EDIL3: variants seen among roughly 807,000 people sequenced by gnomAD.
EDIL3 encodes the protein EGF-like repeat and discoidin I-like domain-containing protein 3.
A neutral mutation model predicts 67.4 loss-of-function variants in EDIL3; 37 were observed. The ratio of observed to expected loss-of-function variants is 0.55; its 90% CI spans 0.42 to 0.72. EDIL3 has a LOEUF of 0.72. Ranked by LOEUF, EDIL3 falls within the 30% of genes least tolerant of loss-of-function variation. The pLI is 0.00. For missense variants in EDIL3, 527 were observed against 586.3 expected (o/e 0.90, Z 1.04); for synonymous variants, 195 against 196.3 (o/e 0.99, Z 0.05).
At chr5:84,239,343 T>C (rs897337927) in intron 2 of EDIL3, among the ~76,000 whole-genome samples, 1 of 152,216 alleles carries the variant, frequency 6.6e-6, no homozygotes, top group Non-Finnish European at 1.5e-5. Context: ...CAAAATACAA[T>C]GGTGTTATTA....
At chr5:84,369,833 A>C (rs1200577231) in intron 1 of EDIL3, among the ~76,000 whole-genome samples, 1 of 152,186 alleles carries the variant, frequency 6.6e-6, no homozygotes, top group Non-Finnish European at 1.5e-5. Flanking sequence ...TTATGGTTAA[A>C]CATATACTTA....
chr5:84,252,905 A>G (rs972121298), intron 2 of EDIL3, among the ~76,000 whole-genome samples: 3 of 152,206 alleles, frequency 2.0e-5, no homozygotes, highest in African/African-American at 7.2e-5. Context: ...ATCTTTGAAG[A>G]TGAATTAAAT....
At chr5:84,357,513 T>G in intron 1 of EDIL3, among the ~76,000 whole-genome samples, 1 of 151,944 alleles carries the variant, frequency 6.6e-6, no homozygotes, top group East Asian at 1.9e-4. Flanking sequence ...CCCTTTAAGG[T>G]TCTATATACT....
intron 9 of EDIL3, among the ~76,000 whole-genome samples, chr5:84,011,507 T>C (rs2112180821): frequency 6.6e-6 from 1 of 152,330 alleles, no homozygotes; most frequent in African/African-American, 2.4e-5. Flanking sequence ...TCAATTCTCT[T>C]CATATATGCC....
chr5:84,113,091 G>A (rs348895), intron 5 of EDIL3, among the ~76,000 whole-genome samples: 52,704 of 151,778 alleles, frequency 0.35, 9,540 homozygotes, highest in Non-Finnish European at 0.4. Context: ...CTTTCAAATC[G>A]CTGCCACACA....
chr5:84,014,642 TCAAA>T (rs144953064), intron 9 of EDIL3, among the ~76,000 whole-genome samples: 2,792 of 152,054 alleles, frequency 0.018, 90 homozygotes, highest in African/African-American at 0.062. Flanking sequence ...AGACTCCGTC[TCAAA>T]CAAACAAACA....
At chr5:84,187,641 G>T (rs1207219670) in intron 3 of EDIL3, among the ~76,000 whole-genome samples, 1 of 152,144 alleles carries the variant, frequency 6.6e-6, no homozygotes, top group African/African-American at 2.4e-5. Context: ...CCAAATTCTG[G>T]TGTTAAGAAC....
chr5:84,202,447 T>C (rs1743863663), intron 3 of EDIL3, among the ~76,000 whole-genome samples: 1 of 152,174 alleles, frequency 6.6e-6, no homozygotes, highest in African/African-American at 2.4e-5. Context: ...TAAAAAGAGC[T>C]AAGCAAAGTT....
At chr5:84,201,607 G>C (rs903023917) in intron 3 of EDIL3, among the ~76,000 whole-genome samples, 1 of 151,848 alleles carries the variant, frequency 6.6e-6, no homozygotes, top group Non-Finnish European at 1.5e-5. Flanking sequence ...TACTGGGTAA[G>C]ATCTCTTATT....
intron 1 of EDIL3, among the ~76,000 whole-genome samples, chr5:84,368,429 T>C (rs1196709747): frequency 6.6e-6 from 1 of 152,136 alleles, no homozygotes; most frequent in Admixed American, 6.6e-5. Context: ...AATATCCATA[T>C]ATAAAAGAAT....
chr5:83,959,107 A>G (rs1174483405), intron 10 of EDIL3, among the ~76,000 whole-genome samples: 1 of 150,502 alleles, frequency 6.6e-6, no homozygotes, highest in African/African-American at 2.4e-5. Context: ...AGAACAGAGT[A>G]TTATTTTTCT....
At chr5:84,003,449 C>T (rs999970049) in intron 9 of EDIL3, among the ~76,000 whole-genome samples, 1 of 152,174 alleles carries the variant, frequency 6.6e-6, no homozygotes, top group Admixed American at 6.5e-5. Context: ...GAGGGAAGCT[C>T]ACACTCTCAG....
At position 83,947,419 on chromosome 5, in the gene EDIL3, C is replaced by T. The variant is rs528067391; in HGVS notation, c.1294-3851G>A. Among the ~76,000 whole-genome samples the T allele has an allele frequency of 6.4e-4, 96 of 149,746 alleles. 3 individuals carry two copies. The South Asian group carries it at 0.019, about 30-fold the overall frequency. On this transcript the variant is annotated intron_variant, in intron 10 of 10. Coordinates refer to ENST00000296591, the MANE Select transcript of EDIL3 (RefSeq NM_005711.5). ...TGTGTGTGTGTGCAGAGGTGCTGGG[C>T]TGAAAGCTCAGAATTCTTTATTTAA... is the stretch of plus-strand genomic sequence containing the variant.
chr5:84,103,043 T>C (rs146800585), intron 6 of EDIL3, among the ~76,000 whole-genome samples: 7 of 152,142 alleles, frequency 4.6e-5, no homozygotes, highest in African/African-American at 1.2e-4. Context: ...TGGAACAGAA[T>C]TGAGAGACCA....
intron 4 of EDIL3, among the ~76,000 whole-genome samples, chr5:84,175,276 A>G (rs957344425): frequency 2.0e-5 from 3 of 151,646 alleles, no homozygotes; most frequent in African/African-American, 7.3e-5. Context: ...AGAATTAATG[A>G]TAAGAGGAAT....
In EDIL3 at chr5:84,106,682, T is replaced by G; in HGVS notation, c.618A>C (p.Thr206=). 1 of 1,609,728 alleles carries G rather than the reference T, an allele frequency of 6.2e-7. No homozygotes were observed. The highest frequency in any genetic ancestry group is 1.1e-5 in the South Asian group (1 of 90,096). The change falls in exon 6 of 11, where the codon ACA becomes ACC. Residue 206 remains threonine, a synonymous_variant. Coordinates refer to ENST00000296591, the MANE Select transcript of EDIL3 (RefSeq NM_005711.5). ...ACGGCCATCTGTCATTTTCTGCAGC[T>G]GTCCACGCATTTATAAGCCCCTTCT... ...LNKKGLINAW[T]AAENDRWPWI... is the part of the protein sequence containing the mutation.
At chr5:84,087,950 A>G (rs1331344170) in intron 6 of EDIL3, among the ~76,000 whole-genome samples, 2 of 152,140 alleles carry the variant, frequency 1.3e-5, no homozygotes, top group Non-Finnish European at 1.5e-5. Flanking sequence ...TAAGCATGGA[A>G]AAAAAGAATG....
rs35930293 is a variant in EDIL3, at chr5:84,070,606, A to AGTGTGTGTGTGT, written c.652-4012_652-4001dup. 2.3e-3 allele frequency among the ~76,000 whole-genome samples: 328 copies of AGTGTGTGTGTGT among 144,732 alleles called. 2 individuals are homozygous for AGTGTGTGTGTGT. Among genetic ancestry groups the AGTGTGTGTGTGT allele is most frequent in the African/African-American group, 7.6e-3 (297 of 38,890 alleles). 94.9% of individuals were successfully genotyped at this position (144,732 alleles called of 152,430 possible). ...GACATTTAGGGCTACTATGGTTAAG[A>AGTGTGTGTGTGT]GTGTGTGTGTGTGTGTGTGTGTGTG... On this transcript the variant is annotated intron_variant, in intron 6 of 10. Coordinates refer to ENST00000296591, the MANE Select transcript of EDIL3 (RefSeq NM_005711.5).
rs542985619 is a variant in EDIL3, at chr5:84,249,912, T to C, written c.196+4172A>G. Among the ~76,000 whole-genome samples the C allele has an allele frequency of 7.8e-4, 119 of 152,242 alleles. 1 individual carries two copies. Among genetic ancestry groups the C allele is most frequent in the African/African-American group, 2.8e-3 (116 of 41,536 alleles). On this transcript the variant is annotated intron_variant, in intron 2 of 10. Coordinates refer to ENST00000296591, the MANE Select transcript of EDIL3 (RefSeq NM_005711.5). ...AGTTGGAGACCAGTCTGGCCATATA[T>C]ATATATGGAAAGAGATAATAGAACA... is the stretch of plus-strand genomic sequence containing the variant.
Sources: allele counts gnomAD v4.1 joint callset (sites outside exome capture counted in the v4.1 genomes callset), GRCh38; gene constraint gnomAD v4.1.1; transcripts MANE v1.5; gene names NCBI Gene and HGNC (gene_info 2026-07-23, HGNC 2026-07-21).